The following C3orf20 variants were observed in gnomAD, a reference collection of about 807,000 sequenced individuals.
C3orf20 encodes the protein uncharacterized protein C3orf20.
A neutral mutation model predicts 88.3 loss-of-function variants in C3orf20; 76 were observed. The ratio of observed to expected loss-of-function variants is 0.86; its 90% CI spans 0.72 to 1.04. The LOEUF is 1.04. Ranked by LOEUF, C3orf20 falls within the 50% of genes least tolerant of loss-of-function variation. The pLI is 0.00. For missense variants in C3orf20, 1,056 were observed against 1,123.3 expected, an observed-to-expected ratio of 0.94 and a Z score of 0.86; for synonymous variants, 436 against 437.4, an observed-to-expected ratio of 1.00 and a Z score of 0.04.
intron 1 of C3orf20, among the ~76,000 whole-genome samples, chr3:14,681,281 A>G (rs1330828030): frequency 6.6e-6 from 1 of 152,238 alleles, no homozygotes; most frequent in Non-Finnish European, 1.5e-5. Context: ...CAGGCAGGCC[A>G]TCCTGGAATG....
intron 1 of C3orf20, among the ~76,000 whole-genome samples, chr3:14,678,896 A>G (rs1033716152): frequency 1.1e-4 from 17 of 152,186 alleles, no homozygotes; most frequent in Non-Finnish European, 1.5e-4. Context: ...TATATAGCAC[A>G]TGCAAATTCT....
intron 15 of C3orf20, among the ~76,000 whole-genome samples, chr3:14,766,533 C>T (rs969009896): frequency 6.6e-6 from 1 of 152,248 alleles, no homozygotes; most frequent in Admixed American, 6.5e-5. Context: ...TCACTGCTAT[C>T]CCCCTGCCTC....
At position 14,688,529 on chromosome 3, in the gene C3orf20, C is replaced by CAAA. The variant is rs35979290; in HGVS notation, c.626-1453_626-1451dup. Among the ~76,000 whole-genome samples the CAAA allele has an allele frequency of 2.4e-4, 25 of 105,748 alleles. 1 individual carries two copies. The highest frequency in any genetic ancestry group is 8.7e-4 in the Admixed American group (8 of 9,170). 69.4% of individuals were successfully genotyped at this position (105,748 alleles called of 152,430 possible). A position where few individuals can be genotyped will look rare whatever the true frequency, so the allele number is the denominator to read the frequency against. ...CCTGGATGACAGAGTGAGACTGTCT[C>CAAA]AAAAAAAAAAAAAAAAAGAAAAAAA... is the stretch of plus-strand genomic sequence containing the variant. On this transcript the variant is annotated intron_variant, in intron 4 of 16. Coordinates refer to ENST00000253697, the MANE Select transcript of C3orf20 (RefSeq NM_032137.5).
Position 14,684,243 on chromosome 3 carries a change from G to C in C3orf20, c.486G>C (p.Val162=), listed in dbSNP as rs1408450482. 1 of 1,613,892 alleles carries C rather than the reference G, an allele frequency of 6.2e-7. No homozygotes were observed. Among genetic ancestry groups the C allele is most frequent in the South Asian group, 1.1e-5 (1 of 91,032 alleles). ...KMKAMVESMS[V]GANPLDITRR... ...TGTTGCTTTCTATCATTGCTTTAGT[G>C]GGTGCCAACCCCTTGGACATCACCA... Residue 162 remains valine, a splice_region_variant and synonymous_variant, in exon 4 of 17, where the codon GTG becomes GTC. Coordinates refer to ENST00000253697, the MANE Select transcript of C3orf20 (RefSeq NM_032137.5).
At chr3:14,760,761 C>T (rs943114218) in intron 14 of C3orf20, among the ~76,000 whole-genome samples, 4 of 151,972 alleles carry the variant, frequency 2.6e-5, no homozygotes, top group Non-Finnish European at 5.9e-5. Flanking sequence ...AGGTTCCCAC[C>T]ATCATGCCCG....
At chr3:14,764,908 C>T (rs937203279) in intron 15 of C3orf20, 9 of 152,418 alleles carry the variant, frequency 5.9e-5, no homozygotes, top group African/African-American at 1.9e-4. Flanking sequence ...GAATTAGACA[C>T]CACCTCTTGA....
At chr3:14,720,821 C>T (rs745428049) in intron 9 of C3orf20, among the ~76,000 whole-genome samples, 14 of 152,240 alleles carry the variant, frequency 9.2e-5, no homozygotes, top group Non-Finnish European at 1.5e-4. Flanking sequence ...TAATGGCTTA[C>T]AAAGCCACTT....
rs571098569 is a variant in C3orf20, at chr3:14,726,488, C to A, written c.1567-413C>A. The stretch of plus-strand genomic sequence containing the variant: ...GTCCACTTACTCACGAATGCAATAG[C>A]ATTTACTGAGCACCTGCATGACAAG... On this transcript the variant is annotated intron_variant, in intron 10 of 16. Transcript: ENST00000253697. Among the ~76,000 whole-genome samples the A allele has an allele frequency of 2.0e-5, 3 of 152,344 alleles. No homozygotes were observed. In the South Asian group the frequency reaches 6.2e-4, roughly 32 times the overall value.
rs2035898403 is a variant in C3orf20 at position 14,772,835 on chromosome 3, G to A, written c.2675G>A (p.Ser892Asn). 2 of 1,613,984 alleles carry A rather than the reference G, an allele frequency of 1.2e-6. No homozygotes were observed. Among genetic ancestry groups the A allele is most frequent in the Admixed American group, 1.7e-5 (1 of 60,012 alleles). ...EVELHPLSRD[S>N]KITSWKKQAS... is the part of the protein sequence containing the mutation. ...GAGCTACATCCTCTCAGCAGGGACA[G>A]CAAGATAACTAGTTGGAAGAAGCAG... Residue 892 changes from serine to asparagine, a missense_variant, in exon 17 of 17, where the codon AGC becomes AAC. Ser to Asn is a conservative substitution (Grantham distance 46). Coordinates refer to ENST00000253697, the MANE Select transcript of C3orf20 (RefSeq NM_032137.5). The surrounding 1 kb of genome is among the most constrained non-coding windows in gnomAD (Gnocchi z 4.2).
intron 10 of C3orf20, among the ~76,000 whole-genome samples, chr3:14,723,177 A>C (rs1296186524): frequency 2.0e-5 from 3 of 152,220 alleles, no homozygotes; most frequent in African/African-American, 7.2e-5. Context: ...CCTGAGCAAG[A>C]AGCTCTTAAG....
chr3:14,686,788 A>G (rs563879902), intron 4 of C3orf20, among the ~76,000 whole-genome samples: 1 of 152,350 alleles, frequency 6.6e-6, no homozygotes, highest in Admixed American at 6.5e-5. Context: ...AGCGTAAAAA[A>G]ATTCTATCTC....
At chr3:14,761,748 A>C in intron 15 of C3orf20, 133 bp downstream of exon 15, 2 of 538,228 alleles carry the variant, frequency 3.7e-6, no homozygotes, top group Non-Finnish European at 6.5e-6. Context: ...GGGGGGCTGG[A>C]GGTGGGAAGC....
intron 5 of C3orf20, among the ~76,000 whole-genome samples, chr3:14,699,336 C>T (rs1056166915): frequency 6.6e-6 from 1 of 152,198 alleles, no homozygotes; most frequent in Non-Finnish European, 1.5e-5. Flanking sequence ...CTCACTGTGA[C>T]CATCACATCT....
intron 7 of C3orf20, among the ~76,000 whole-genome samples, chr3:14,712,188 A>G (rs139777548): frequency 4.2e-4 from 21 of 50,318 alleles, no homozygotes; most frequent in African/African-American, 8.4e-4. Context: ...GCGCGCACAC[A>G]CACACACACA....
chr3:14,684,451 C>A, intron 4 of C3orf20, 69 bp downstream of exon 4: 1 of 1,554,458 alleles, frequency 6.4e-7, no homozygotes, highest in South Asian at 1.2e-5. Context: ...AATGGAAAGG[C>A]AAAACCCCCA....
In C3orf20 at chr3:14,768,923, T is replaced by G. The variant is rs564665372; in HGVS notation, c.2496-3144T>G. On this transcript the variant is annotated intron_variant, in intron 15 of 16. Transcript: ENST00000253697. This position sits in a 1 kb window ranked among gnomAD's most constrained non-coding sequence, Gnocchi z 4.1. Reference sequence around the variant, plus strand: ...CTCAGAATCAACCTCTAGATTAGTCTTCCAGAGAAGCACCTGGCCCACTGT... The same window carrying G: ...CTCAGAATCAACCTCTAGATTAGTCGTCCAGAGAAGCACCTGGCCCACTGT... Among the ~76,000 whole-genome samples the G allele has an allele frequency of 6.6e-6, 1 of 152,092 alleles. No homozygotes were observed. Among genetic ancestry groups the G allele is most frequent in the Non-Finnish European group, 1.5e-5 (1 of 68,030 alleles).
chr3:14,703,103 C>G, intron 5 of C3orf20, 27 bp from the exon 6 acceptor site: 1 of 1,613,774 alleles, frequency 6.2e-7, no homozygotes, highest in Non-Finnish European at 8.5e-7. Context: ...TTGGGCATCT[C>G]TCTAACTTCT....
chr3:14,742,195 A>T (rs1038234653), intron 12 of C3orf20, among the ~76,000 whole-genome samples: 1 of 152,254 alleles, frequency 6.6e-6, no homozygotes, highest in Non-Finnish European at 1.5e-5. Context: ...AGTAAGTAAC[A>T]TTAGTGATAT....
rs191551482 is a variant in C3orf20, at chr3:14,711,941, T to C, written c.1161-2066T>C. Among the ~76,000 whole-genome samples the C allele has an allele frequency of 3.5e-4, 53 of 152,244 alleles. 1 individual carries two copies. Among genetic ancestry groups the C allele is most frequent in the South Asian group, 3.3e-3 (16 of 4,822 alleles). On this transcript the variant is annotated intron_variant, in intron 7 of 16. Transcript: ENST00000253697. ...GCATGCCATTTTGATTTACTTCTCATTTCCTTTTCTCCATATTTTTAAGTT... is the reference window on the plus strand; with the variant it reads ...GCATGCCATTTTGATTTACTTCTCACTTCCTTTTCTCCATATTTTTAAGTT...
Sources: gnomAD v4.1 joint callset for allele counts (sites outside exome capture counted in the v4.1 genomes callset) on GRCh38, gnomAD v4.1.1 for gene constraint, Gnocchi (gnomAD v3.1) non-coding constraint, MANE v1.5 for transcripts, NCBI Gene and HGNC (gene_info 2026-07-23, HGNC 2026-07-21) for gene names.